Variants in PTPRN2 observed in about 807,000 individuals in gnomAD.
PTPRN2 encodes receptor-type tyrosine-protein phosphatase N2.
PTPRN2 carries 74 observed loss-of-function variants against 118.8 expected under a neutral mutation model. The ratio of observed to expected loss-of-function variants is 0.62; its 90% CI spans 0.52 to 0.76. The LOEUF is 0.76. Ranked by LOEUF, PTPRN2 falls within the 30% of genes least tolerant of loss-of-function variation. The pLI, the probability that PTPRN2 is intolerant of heterozygous loss-of-function variation, is 0.00. For synonymous variants in PTPRN2, 641 were observed against 608.0 expected, an observed-to-expected ratio of 1.05 and a Z score of -0.80; for missense variants, 1,481 against 1,394.4, an observed-to-expected ratio of 1.06 and a Z score of -0.99.
intron 12 of PTPRN2, among the ~76,000 whole-genome samples, chr7:157,896,629 T>C (rs1407281182): frequency 6.6e-6 from 1 of 151,138 alleles, no homozygotes; most frequent in South Asian, 2.1e-4. Context: ...TCCCCCAGGC[T>C]CACGTGTGCG....
At chr7:158,397,482 CCAAA>C (rs1357592397) in intron 2 of PTPRN2, among the ~76,000 whole-genome samples, 2 of 152,182 alleles carry the variant, frequency 1.3e-5, no homozygotes, top group African/African-American at 2.4e-5. Flanking sequence ...CTCTGGAGGC[CCAAA>C]CAAACACTCC....
intron 2 of PTPRN2, among the ~76,000 whole-genome samples, chr7:158,428,533 C>T (rs1815927482): frequency 6.6e-6 from 1 of 152,230 alleles, no homozygotes; most frequent in African/African-American, 2.4e-5. Flanking sequence ...GACACTTTTA[C>T]AGCTGCCTTT....
intron 1 of PTPRN2, among the ~76,000 whole-genome samples, chr7:158,499,393 G>A (rs1410238420): frequency 6.6e-6 from 1 of 152,176 alleles, no homozygotes; most frequent in African/African-American, 2.4e-5. Context: ...ACTTGGGTCA[G>A]CACATTATAA....
chr7:158,332,845 G>A (rs1159201612), intron 2 of PTPRN2, among the ~76,000 whole-genome samples: 1 of 144,896 alleles, frequency 6.9e-6, no homozygotes, highest in East Asian at 2.1e-4. Context: ...GGTGACACAT[G>A]CAAACGTCAC....
chr7:158,058,174 CGGTG>C (rs1809955727), intron 11 of PTPRN2, among the ~76,000 whole-genome samples: 6 of 139,064 alleles, frequency 4.3e-5, no homozygotes, highest in Non-Finnish European at 4.9e-5. Flanking sequence ...CATCTGCCCA[CGGTG>C]AGACATCACT....
intron 2 of PTPRN2, among the ~76,000 whole-genome samples, chr7:158,399,066 C>G (rs950476257): frequency 2.0e-5 from 3 of 152,012 alleles, no homozygotes; most frequent in African/African-American, 7.3e-5. Flanking sequence ...CTTGTTTTTC[C>G]TGGAGTTATA....
At chr7:158,246,339 G>A (rs1796245892) in intron 3 of PTPRN2, among the ~76,000 whole-genome samples, 4 of 151,612 alleles carry the variant, frequency 2.6e-5, no homozygotes. Context: ...GACATCCTGG[G>A]AGGTGAGAGA....
At chr7:158,219,867 T>C (rs1488789195) in intron 3 of PTPRN2, among the ~76,000 whole-genome samples, 5 of 151,548 alleles carry the variant, frequency 3.3e-5, no homozygotes, top group African/African-American at 9.7e-5. Context: ...ACTTTCAAAA[T>C]TGAATTGCTA....
At chr7:158,101,628 A>C (rs186346345) in intron 10 of PTPRN2, among the ~76,000 whole-genome samples, 13 of 152,362 alleles carry the variant, frequency 8.5e-5, no homozygotes, top group African/African-American at 3.1e-4. Context: ...ATACAAAGAA[A>C]GACCTCACAC....
At chr7:158,528,896 G>A (rs1481062197) in intron 1 of PTPRN2, among the ~76,000 whole-genome samples, 4 of 152,122 alleles carry the variant, frequency 2.6e-5, no homozygotes, top group African/African-American at 9.7e-5. Flanking sequence ...GCCCGGAATT[G>A]GAAGACACAA....
At chr7:158,359,537 C>T (rs546031622) in intron 2 of PTPRN2, among the ~76,000 whole-genome samples, 1 of 152,252 alleles carries the variant, frequency 6.6e-6, no homozygotes, top group African/African-American at 2.4e-5. Context: ...CAAAGATTTG[C>T]AGCCTGAGGA....
At chr7:158,336,108 G>T (rs572662352) in intron 2 of PTPRN2, among the ~76,000 whole-genome samples, 1 of 5,176 alleles carries the variant, frequency 1.9e-4, no homozygotes, top group African/African-American at 5.8e-4. Context: ...CACACCCACA[G>T]TCTCACCATA....
chr7:158,130,397 A>G (rs1275535352), intron 9 of PTPRN2, among the ~76,000 whole-genome samples: 1 of 151,684 alleles, frequency 6.6e-6, no homozygotes, highest in African/African-American at 2.4e-5. Flanking sequence ...ACACACTTCT[A>G]CCCAACACAC....
intron 3 of PTPRN2, among the ~76,000 whole-genome samples, chr7:158,294,883 C>A: frequency 6.8e-6 from 1 of 146,438 alleles, no homozygotes; most frequent in African/African-American, 2.6e-5. Context: ...CCCATGGGGC[C>A]CGCTGACCCT....
Position 158,336,835 on chromosome 7 carries a change from G to A in PTPRN2, c.164-19903C>T, listed in dbSNP as rs1359432593. 3.4e-5 allele frequency among the ~76,000 whole-genome samples: 3 copies of A among 89,290 alleles called. 1 individual carries two copies. The highest frequency in any genetic ancestry group is 7.2e-5 in the Non-Finnish European group (3 of 41,734). 58.6% of individuals were successfully genotyped at this position (89,290 alleles called of 152,430 possible). On this transcript the variant is annotated intron_variant, in intron 2 of 22. Transcript: ENST00000389418. ...ACCATAAGAAGTGACACCTGCAGAC[G>A]TCACTCACCCACACTCTCACCATAA...
Position 157,755,859 on chromosome 7 carries a change from C to T in PTPRN2, c.1789-72922G>A, listed in dbSNP as rs545293385. 1.2e-4 allele frequency among the ~76,000 whole-genome samples: 19 copies of T among 152,298 alleles called. No individual in the cohort carries two copies. The East Asian group carries it at 3.5e-3, about 28-fold the overall frequency. On this transcript the variant is annotated intron_variant, in intron 12 of 22. Coordinates refer to ENST00000389418, the MANE Select transcript of PTPRN2 (RefSeq NM_002847.5). ...GCAATACACCCAGGAAGCAAACCTG[C>T]ACACGTACCCCCGATTCTAAAATAA...
At chr7:158,121,943 C>T (rs188839888) in intron 9 of PTPRN2, among the ~76,000 whole-genome samples, 5 of 152,304 alleles carry the variant, frequency 3.3e-5, no homozygotes, top group East Asian at 3.9e-4. Flanking sequence ...ACAATGATCA[C>T]GCAGCCATTC....
intron 10 of PTPRN2, among the ~76,000 whole-genome samples, chr7:158,086,502 T>G (rs371343211): frequency 1.3e-5 from 2 of 152,252 alleles, no homozygotes; most frequent in East Asian, 3.8e-4. Context: ...TTTCGGCCTC[T>G]GAGTGGCAAA....
chr7:158,227,218 A>G (rs1260525032), intron 3 of PTPRN2, among the ~76,000 whole-genome samples: 4 of 152,174 alleles, frequency 2.6e-5, no homozygotes, highest in Admixed American at 2.6e-4. Context: ...TAGGAGAAAA[A>G]CAATAAAAAA....
Sources: gnomAD v4.1 joint callset for allele counts (sites outside exome capture counted in the v4.1 genomes callset) on GRCh38, gnomAD v4.1.1 for gene constraint, MANE v1.5 for transcripts, NCBI Gene and HGNC (gene_info 2026-07-23, HGNC 2026-07-21) for gene names.